The following PDSS2 variants were observed in gnomAD, a reference collection of about 807,000 sequenced individuals.
PDSS2 encodes the protein all trans-polyprenyl-diphosphate synthase PDSS2.
A neutral mutation model predicts 44.5 loss-of-function variants in PDSS2; 31 were observed. That is an observed-to-expected ratio of 0.70 (90% CI 0.52 to 0.94). The LOEUF (loss-of-function observed/expected upper bound fraction) is 0.94, where lower values mean the gene tolerates loss of function less well. Ranked by LOEUF, PDSS2 falls within the 40% of genes least tolerant of loss-of-function variation. The pLI is 0.00. For synonymous variants in PDSS2, 157 were observed against 180.3 expected (o/e 0.87, Z 1.03); for missense variants, 452 against 482.2 (o/e 0.94, Z 0.59).
intron 1 of PDSS2, among the ~76,000 whole-genome samples, chr6:107,451,057 C>G (rs577442059): frequency 6.6e-6 from 1 of 152,304 alleles, no homozygotes; most frequent in Admixed American, 6.5e-5. Flanking sequence ...GTCTTGAAAT[C>G]CTGGACTCAA....
chr6:107,234,236 C>T (rs1774151273), intron 4 of PDSS2, among the ~76,000 whole-genome samples: 1 of 151,150 alleles, frequency 6.6e-6, no homozygotes, highest in Admixed American at 6.6e-5. Flanking sequence ...GACGGAGTCT[C>T]ACTTTGTTGC....
intron 3 of PDSS2, among the ~76,000 whole-genome samples, chr6:107,256,092 G>A (rs749795027): frequency 1.3e-5 from 2 of 152,130 alleles, no homozygotes; most frequent in Admixed American, 6.5e-5. Context: ...CCAGGTTCAA[G>A]CAATTCTCCT....
chr6:107,235,304 G>T (rs1232171350), intron 4 of PDSS2, among the ~76,000 whole-genome samples: 1 of 152,154 alleles, frequency 6.6e-6, no homozygotes, highest in African/African-American at 2.4e-5. Flanking sequence ...TAGGTACAAA[G>T]AAACTACTAA....
chr6:107,294,432 A>T (rs966805409), intron 2 of PDSS2, among the ~76,000 whole-genome samples: 2 of 151,954 alleles, frequency 1.3e-5, no homozygotes, highest in Non-Finnish European at 2.9e-5. Flanking sequence ...TTTTTTTTAG[A>T]GACAGGGTCT....
At chr6:107,375,490 A>G (rs145669362) in intron 1 of PDSS2, among the ~76,000 whole-genome samples, 1 of 152,360 alleles carries the variant, frequency 6.6e-6, no homozygotes, top group East Asian at 1.9e-4. Context: ...TGGGATGAAC[A>G]AATTCCTTGA....
intron 1 of PDSS2, among the ~76,000 whole-genome samples, chr6:107,386,354 GTTTTA>G (rs1779610142): frequency 6.9e-6 from 1 of 145,442 alleles, no homozygotes; most frequent in African/African-American, 2.5e-5. Context: ...GATGTAAATA[GTTTTA>G]CATTGTATAT....
chr6:107,317,272 T>G (rs1378534533), intron 2 of PDSS2, among the ~76,000 whole-genome samples: 1 of 152,134 alleles, frequency 6.6e-6, no homozygotes, highest in Non-Finnish European at 1.5e-5. Flanking sequence ...TTAAATGGTT[T>G]AGGTATTATT....
chr6:107,453,173 G>A lies in PDSS2; in HGVS notation c.296+5817C>T, dbSNP rs541106927. On this transcript the variant is annotated intron_variant, in intron 1 of 7. Transcript: ENST00000369037. ...CAACCTCCACCTCCTGGGTTTGAGCGATTCTCATCTCAAACTCCTGACCTA... is the reference window on the plus strand; with the variant it reads ...CAACCTCCACCTCCTGGGTTTGAGCAATTCTCATCTCAAACTCCTGACCTA... Among the ~76,000 whole-genome samples, 261 of 151,612 alleles carry A rather than the reference G, an allele frequency of 1.7e-3. 1 individual carries two copies. The highest frequency in any genetic ancestry group is 2.4e-3 in the Non-Finnish European group (165 of 67,870).
chr6:107,410,246 T>C (rs1780446867), intron 1 of PDSS2, among the ~76,000 whole-genome samples: 1 of 152,108 alleles, frequency 6.6e-6, no homozygotes, highest in Non-Finnish European at 1.5e-5. Context: ...TTTTTTAAAT[T>C]GAAAGAACGT....
intron 2 of PDSS2, among the ~76,000 whole-genome samples, chr6:107,274,657 ATCTC>A (rs201085573): frequency 1.4e-5 from 2 of 145,254 alleles, no homozygotes; most frequent in African/African-American, 2.6e-5. Flanking sequence ...TACATACATT[ATCTC>A]TCTCTCTTTT....
chr6:107,197,420 T>A (rs1317001672), intron 6 of PDSS2, among the ~76,000 whole-genome samples: 1 of 142,766 alleles, frequency 7.0e-6, no homozygotes, highest in Admixed American at 7.5e-5. Flanking sequence ...CAGTGAGCTA[T>A]GATTGTGCCT....
At chr6:107,315,782 G>C (rs1777180246) in intron 2 of PDSS2, among the ~76,000 whole-genome samples, 1 of 152,220 alleles carries the variant, frequency 6.6e-6, no homozygotes, top group East Asian at 1.9e-4. Context: ...GATGAAGTAA[G>C]GTAAGGATTA....
At chr6:107,261,835 T>C (rs1582863191) in intron 3 of PDSS2, among the ~76,000 whole-genome samples, 1 of 150,798 alleles carries the variant, frequency 6.6e-6, no homozygotes, top group African/African-American at 2.4e-5. Context: ...TGCCTGGGCC[T>C]CCCAATGTGC....
intron 1 of PDSS2, among the ~76,000 whole-genome samples, chr6:107,387,689 G>A (rs956242969): frequency 2.6e-5 from 4 of 152,216 alleles, no homozygotes; most frequent in Admixed American, 2.6e-4. Context: ...TCTGCAGGAA[G>A]ACCCATAGAC....
chr6:107,237,914 A>G (rs1774283119), intron 4 of PDSS2, among the ~76,000 whole-genome samples: 1 of 151,744 alleles, frequency 6.6e-6, no homozygotes, highest in African/African-American at 2.4e-5. Flanking sequence ...AAAAAAAAAA[A>G]AGAAAAGAAA....
At chr6:107,302,804 T>C (rs753788558) in intron 2 of PDSS2, among the ~76,000 whole-genome samples, 4 of 151,464 alleles carry the variant, frequency 2.6e-5, no homozygotes, top group Non-Finnish European at 4.4e-5. Flanking sequence ...CTTAAAACAT[T>C]GTAGCTGGTC....
intron 2 of PDSS2, among the ~76,000 whole-genome samples, chr6:107,332,974 A>G (rs1311225146): frequency 6.6e-6 from 1 of 152,212 alleles, no homozygotes; most frequent in Non-Finnish European, 1.5e-5. Context: ...AACAGTAATC[A>G]TTTCGCTTGC....
At chr6:107,156,009 C>T (rs1183955382) in intron 7 of PDSS2, among the ~76,000 whole-genome samples, 6 of 150,478 alleles carry the variant, frequency 4.0e-5, no homozygotes, top group African/African-American at 9.8e-5. Flanking sequence ...TCTGCCTCAG[C>T]CACCTGAGTA....
At chr6:107,421,170 T>TA (rs985047270) in intron 1 of PDSS2, among the ~76,000 whole-genome samples, 40 of 152,096 alleles carry the variant, frequency 2.6e-4, no homozygotes, top group African/African-American at 8.9e-4. Context: ...ATGGCTAAAA[T>TA]AAAAAATACT....
Sources: gnomAD v4.1 joint callset for allele counts (sites outside exome capture counted in the v4.1 genomes callset) on GRCh38, gnomAD v4.1.1 for gene constraint, MANE v1.5 for transcripts, NCBI Gene and HGNC (gene_info 2026-07-23, HGNC 2026-07-21) for gene names.